GLDC: variants seen among roughly 807,000 people sequenced by gnomAD.
GLDC encodes the protein glycine dehydrogenase (decarboxylating), mitochondrial.
GLDC carries 104 observed loss-of-function variants against 121.3 expected under a neutral mutation model. That is an observed-to-expected ratio of 0.86 (90% CI 0.73 to 1.01). GLDC has a LOEUF of 1.01. Ranked by LOEUF, GLDC falls within the 50% of genes least tolerant of loss-of-function variation. The pLI, the probability that GLDC is intolerant of heterozygous loss-of-function variation, is 0.00. For missense variants in GLDC, 1,429 were observed against 1,306.6 expected (o/e 1.09, Z -1.44); for synonymous variants, 546 against 480.6 (o/e 1.14, Z -1.78).
intron 16 of GLDC, among the ~76,000 whole-genome samples, chr9:6,563,693 C>G (rs1045592424): frequency 6.6e-6 from 1 of 152,210 alleles, no homozygotes; most frequent in Admixed American, 6.5e-5. Flanking sequence ...GAATTCAGAA[C>G]CACGAATGAA....
chr9:6,596,209 A>G (rs1474705039), intron 8 of GLDC, among the ~76,000 whole-genome samples: 1 of 152,208 alleles, frequency 6.6e-6, no homozygotes, highest in African/African-American at 2.4e-5. Context: ...ACATTCACAG[A>G]ATGCCCTGGC....
intron 15 of GLDC, among the ~76,000 whole-genome samples, chr9:6,582,754 G>A (rs373953852): frequency 8.6e-5 from 13 of 151,768 alleles, no homozygotes; most frequent in African/African-American, 2.4e-4. Flanking sequence ...GCGTGAACCC[G>A]GGAGGCGATC....
intron 15 of GLDC, among the ~76,000 whole-genome samples, chr9:6,580,600 C>T (rs1818154551): frequency 6.6e-6 from 1 of 152,188 alleles, no homozygotes; most frequent in Non-Finnish European, 1.5e-5. Flanking sequence ...TTAAAACTTG[C>T]CCCAGATCCC....
At chr9:6,606,494 G>T in intron 5 of GLDC, 98 bp downstream of exon 5, 2 of 859,744 alleles carry the variant, frequency 2.3e-6, no homozygotes, top group South Asian at 1.3e-5. Flanking sequence ...CCCTGTTTCA[G>T]ATTCACCTCC....
intron 15 of GLDC, chr9:6,565,643 A>G (rs1817841418): frequency 1.6e-6 from 1 of 638,024 alleles, no homozygotes; most frequent in African/African-American, 1.8e-5. Flanking sequence ...TGTGCACTAC[A>G]GCTCAACCAC....
intron 15 of GLDC, among the ~76,000 whole-genome samples, chr9:6,583,847 C>T (rs7036639): frequency 0.53 from 80,927 of 151,896 alleles, 22,063 homozygotes; most frequent in Middle Eastern, 0.58. Flanking sequence ...GAATGGAGGC[C>T]GCCAGGGGCC....
At chr9:6,636,110 C>T (rs1190881211) in intron 2 of GLDC, among the ~76,000 whole-genome samples, 1 of 152,038 alleles carries the variant, frequency 6.6e-6, no homozygotes, top group Non-Finnish European at 1.5e-5. Flanking sequence ...CAAGACCAGC[C>T]TGGCTAACAT....
intron 15 of GLDC, 103 bp from the exon 16 acceptor site, chr9:6,565,532 A>G (rs1214747319): frequency 2.3e-6 from 2 of 852,708 alleles, no homozygotes. Context: ...AGCACGTGAC[A>G]CATGGTCACT....
At chr9:6,640,292 G>C (rs539371943) in intron 2 of GLDC, among the ~76,000 whole-genome samples, 11 of 152,350 alleles carry the variant, frequency 7.2e-5, no homozygotes, top group African/African-American at 2.2e-4. Context: ...GGAATTGAAT[G>C]AGTCGGGAAT....
intron 2 of GLDC, among the ~76,000 whole-genome samples, chr9:6,642,711 T>C (rs372004540): frequency 1.1e-3 from 171 of 152,220 alleles, no homozygotes; most frequent in African/African-American, 4.1e-3. Flanking sequence ...TCTAATGCTC[T>C]GAAAAGAACA....
intron 8 of GLDC, among the ~76,000 whole-genome samples, chr9:6,596,358 A>C (rs188128479): frequency 2.6e-4 from 40 of 152,326 alleles, no homozygotes; most frequent in Middle Eastern, 3.4e-3. Context: ...TAAAAACTTC[A>C]AAGGGCACTA....
intron 1 of GLDC, 50 bp from the exon 2 acceptor site, chr9:6,644,742 C>CA (rs1381785021): frequency 1.6e-6 from 2 of 1,275,244 alleles, no homozygotes; most frequent in Non-Finnish European, 2.3e-6. Context: ...TTAAAAGAGT[C>CA]ACCTCTGTGT....
chr9:6,599,627 A>T (rs541296118), intron 8 of GLDC, among the ~76,000 whole-genome samples: 1 of 151,972 alleles, frequency 6.6e-6, no homozygotes, highest in Non-Finnish European at 1.5e-5. Context: ...AGGCTGAGGC[A>T]AGAGAATCGC....
At chr9:6,576,805 C>G (rs1028718699) in intron 15 of GLDC, among the ~76,000 whole-genome samples, 5 of 152,216 alleles carry the variant, frequency 3.3e-5, no homozygotes, top group South Asian at 2.1e-4. Flanking sequence ...TGAAGGAATG[C>G]AAACATTCAA....
At chr9:6,611,860 C>G (rs73402958) in intron 3 of GLDC, among the ~76,000 whole-genome samples, 1 of 152,034 alleles carries the variant, frequency 6.6e-6, no homozygotes, top group Non-Finnish European at 1.5e-5. Flanking sequence ...TTCTACATGA[C>G]AAATAATGAT....
chr9:6,545,200 C>A (rs1463187434), intron 21 of GLDC, among the ~76,000 whole-genome samples: 1 of 152,088 alleles, frequency 6.6e-6, no homozygotes, highest in African/African-American at 2.4e-5. Flanking sequence ...GAAGGGAATA[C>A]GTTCTGAGAA....
At position 6,555,790 on chromosome 9, in the gene GLDC, T is replaced by TA. The variant is rs1316235538; in HGVS notation, c.2202+362dup. Reference sequence around the variant, plus strand: ...CTTGGCGACAGAGTGAGACTCCATCTAAAAAAAGAAAGAAAGAAAGAAAAA... The same window carrying TA: ...CTTGGCGACAGAGTGAGACTCCATCTAAAAAAAAGAAAGAAAGAAAGAAAAA... On this transcript the variant is annotated intron_variant, in intron 18 of 24. Coordinates refer to ENST00000321612, the MANE Select transcript of GLDC (RefSeq NM_000170.3). Among the ~76,000 whole-genome samples the TA allele has an allele frequency of 2.6e-5, 4 of 151,806 alleles. No homozygotes were observed. The East Asian group carries it at 5.8e-4, about 22-fold the overall frequency.
chr9:6,552,835 C>T (rs766656961), intron 20 of GLDC, among the ~76,000 whole-genome samples: 23 of 152,190 alleles, frequency 1.5e-4, no homozygotes, highest in African/African-American at 4.6e-4. Context: ...TGACTAATTA[C>T]GCAGAGAGCA....
At chr9:6,571,376 G>C (rs954547616) in intron 15 of GLDC, among the ~76,000 whole-genome samples, 1 of 152,144 alleles carries the variant, frequency 6.6e-6, no homozygotes. Context: ...ATTAGGCACA[G>C]TTACAGATTA....
Sources: allele counts gnomAD v4.1 joint callset (sites outside exome capture counted in the v4.1 genomes callset), GRCh38; gene constraint gnomAD v4.1.1; transcripts MANE v1.5; gene names NCBI Gene and HGNC (gene_info 2026-07-23, HGNC 2026-07-21).